Variants in MUCL1 observed in about 807,000 individuals in gnomAD.
MUCL1 encodes the protein mucin like 1, also known as mucin-like protein 1.
Under a neutral mutation model 9.2 loss-of-function variants are expected in MUCL1, and 11 were observed. The ratio of observed to expected loss-of-function variants is 1.19; its 90% CI spans 0.75 to 1.97. MUCL1 has a LOEUF of 1.97. Ranked by LOEUF, MUCL1 falls within the 30% of genes most tolerant of loss-of-function variation. The probability of loss-of-function intolerance (pLI) is 0.00; values close to 1 mark genes in which losing one functional copy is unlikely to be tolerated. For synonymous variants in MUCL1, 48 were observed against 40.5 expected (o/e 1.19, Z -0.71); for missense variants, 144 against 110.9 (o/e 1.30, Z -1.34).
chr12:54,848,967 T>G (rs1304001769), intron 1 of MUCL1, among the ~76,000 whole-genome samples: 3 of 152,188 alleles, frequency 2.0e-5, no homozygotes, highest in African/African-American at 7.2e-5. Flanking sequence ...AGTGGCTTCA[T>G]GATTTGATAA....
At chr12:54,831,856 G>T (rs568325278) in intron 1 of MUCL1, among the ~76,000 whole-genome samples, 20 of 152,110 alleles carry the variant, frequency 1.3e-4, no homozygotes, top group African/African-American at 4.3e-4. Flanking sequence ...ACAGAATGCT[G>T]CCATGTAACA....
chr12:54,832,621 T>G (rs1460812068), intron 1 of MUCL1, among the ~76,000 whole-genome samples: 1 of 151,984 alleles, frequency 6.6e-6, no homozygotes, highest in African/African-American at 2.4e-5. Context: ...TTGACATTTT[T>G]GACAATCTCT....
At chr12:54,832,663 C>T (rs67349809) in intron 1 of MUCL1, among the ~76,000 whole-genome samples, 6,703 of 152,050 alleles carry the variant, frequency 0.044, 174 homozygotes, top group Middle Eastern at 0.11. Context: ...GTCTTTTTGA[C>T]CTAAAACTGA....
At chr12:54,834,997 G>C (rs528160495), upstream of MUCL1, among the ~76,000 whole-genome samples, 2 of 152,022 alleles carry the variant, frequency 1.3e-5, no homozygotes, top group African/African-American at 4.8e-5. Flanking sequence ...AGAACATACG[G>C]TATTTTGTTT....
intron 1 of MUCL1, among the ~76,000 whole-genome samples, chr12:54,833,192 A>T (rs1959187653): frequency 6.6e-6 from 1 of 152,078 alleles, no homozygotes; most frequent in Non-Finnish European, 1.5e-5. Context: ...TCTGTTGTGC[A>T]TGCATTCATA....
In MUCL1 at chr12:54,847,947, G is replaced by A. The variant is rs140170378; in HGVS notation, c.44-7169G>A. On this transcript the variant is annotated intron_variant, in intron 1 of 3. Coordinates refer to the MUCL1 transcript ENST00000546809. ...CCCCAGCTCCCTTGGCATGATCACA[G>A]GATGAGATCTTACCTTTGGTACTAA... Among the ~76,000 whole-genome samples the A allele has an allele frequency of 9.9e-5, 15 of 151,970 alleles. No homozygotes were observed. The East Asian group carries it at 2.9e-3, about 29-fold the overall frequency.
chr12:54,847,040 C>T (rs1329872596), intron 1 of MUCL1, among the ~76,000 whole-genome samples: 2 of 152,280 alleles, frequency 1.3e-5, no homozygotes, highest in African/African-American at 4.8e-5. Context: ...CCACATCCTG[C>T]TTAGTCCTTT....
At chr12:54,837,358 T>G (rs866072034), upstream of MUCL1, among the ~76,000 whole-genome samples, 2 of 152,350 alleles carry the variant, frequency 1.3e-5, no homozygotes, top group East Asian at 3.9e-4. Flanking sequence ...TTTATGTTTT[T>G]ACTGTTGTTG....
intron 1 of MUCL1, among the ~76,000 whole-genome samples, chr12:54,840,806 C>T (rs1410330372): frequency 2.0e-5 from 3 of 152,198 alleles, no homozygotes; most frequent in Non-Finnish European, 1.5e-5. Context: ...TGGGGAGTAG[C>T]AGGTGGCAGT....
At chr12:54,838,793 T>C (rs1003199492), upstream of MUCL1, among the ~76,000 whole-genome samples, 1 of 152,142 alleles carries the variant, frequency 6.6e-6, no homozygotes, top group Non-Finnish European at 1.5e-5. Context: ...CTTTAAGATA[T>C]CTATCTCTTT....
intron 1 of MUCL1, among the ~76,000 whole-genome samples, chr12:54,831,763 G>A (rs1383227501): frequency 6.6e-6 from 1 of 151,940 alleles, no homozygotes; most frequent in Non-Finnish European, 1.5e-5. Context: ...GTTAATTTTT[G>A]TCACATTGAA....
chr12:54,840,039 G>A (rs7299872), intron 1 of MUCL1, among the ~76,000 whole-genome samples: 79,454 of 151,926 alleles, frequency 0.52, 21,243 homozygotes, highest in East Asian at 0.86. Flanking sequence ...CCCTGCCCCT[G>A]GAAGTAAGAG....
At chr12:54,833,864 T>A (rs975177829) in intron 1 of MUCL1, among the ~76,000 whole-genome samples, 11 of 151,934 alleles carry the variant, frequency 7.2e-5, no homozygotes, top group Non-Finnish European at 1.5e-4. Flanking sequence ...GAAATATACC[T>A]AATGCTAAAT....
chr12:54,835,403 T>G (rs776400313), upstream of MUCL1, among the ~76,000 whole-genome samples: 1 of 152,108 alleles, frequency 6.6e-6, no homozygotes, highest in Non-Finnish European at 1.5e-5. Flanking sequence ...TTTCACCACC[T>G]CTACACCAAC....
At chr12:54,834,135 A>G (rs928834153) in intron 1 of MUCL1, among the ~76,000 whole-genome samples, 26 of 152,104 alleles carry the variant, frequency 1.7e-4, no homozygotes, top group African/African-American at 2.4e-4. Context: ...TTTGTTCTAT[A>G]TAAGACATAT....
chr12:54,837,359 A>T, upstream of MUCL1, among the ~76,000 whole-genome samples: 1 of 151,656 alleles, frequency 6.6e-6, no homozygotes. Context: ...TTATGTTTTT[A>T]CTGTTGTTGC....
upstream of MUCL1, chr12:54,854,424 G>A (rs574091953): frequency 9.1e-5 from 53 of 582,316 alleles, no homozygotes; most frequent in African/African-American, 8.7e-4. Context: ...GTGTCCCAAC[G>A]TTTCCTGGCA....
chr12:54,836,492 C>A (rs1959193231), upstream of MUCL1, among the ~76,000 whole-genome samples: 1 of 152,204 alleles, frequency 6.6e-6, no homozygotes, highest in South Asian at 2.1e-4. Context: ...CTTGGTTAAT[C>A]TAGCTAATGG....
exon 1 of MUCL1, chr12:54,830,724 C>A (rs1374358016): frequency 1.3e-5 from 2 of 152,290 alleles, no homozygotes; most frequent in Non-Finnish European, 2.9e-5. Flanking sequence ...CTCTCAGCTC[C>A]CAACAGTCAC....
Sources: allele counts gnomAD v4.1 joint callset (sites outside exome capture counted in the v4.1 genomes callset), GRCh38; gene constraint gnomAD v4.1.1; transcripts MANE v1.5; gene names NCBI Gene and HGNC (gene_info 2026-07-23, HGNC 2026-07-21).